Variants in COP1 observed in about 807,000 individuals in gnomAD.
COP1 encodes the protein E3 ubiquitin-protein ligase COP1.
In COP1, 24 loss-of-function variants were observed where a neutral mutation model predicts 101.3. That is an observed-to-expected ratio of 0.24 (90% confidence interval 0.17 to 0.33). COP1 has a LOEUF of 0.33. Ranked by LOEUF, COP1 falls within the 10% of genes least tolerant of loss-of-function variation. COP1 has a pLI of 1.00. For synonymous variants in COP1, 347 were observed against 341.9 expected, an observed-to-expected ratio of 1.01 and a Z score of -0.17; for missense variants, 663 against 906.2, an observed-to-expected ratio of 0.73 and a Z score of 3.45.
At position 176,075,997 on chromosome 1, in the gene COP1, C is replaced by T. The variant is rs569593689; in HGVS notation, c.1277+5155G>A. On this transcript the variant is annotated intron_variant, in intron 11 of 19. Coordinates refer to ENST00000367669, the MANE Select transcript of COP1 (RefSeq NM_022457.7). ...CAGCCTGGGTAACAAGCGCAAAACT[C>T]CATCTCAAAAAAAAAAAAAAAAAAA... is the stretch of plus-strand genomic sequence containing the variant. 6.4e-5 allele frequency among the ~76,000 whole-genome samples: 6 copies of T among 93,920 alleles called. No homozygotes were observed. The Admixed American group carries it at 7.0e-4, about 11-fold the overall frequency. 61.6% of individuals were successfully genotyped at this position (93,920 alleles called of 152,430 possible). A position where few individuals can be genotyped will look rare whatever the true frequency, so the allele number is the denominator to read the frequency against.
At chr1:176,067,722 T>C (rs887903023) in intron 11 of COP1, among the ~76,000 whole-genome samples, 15 of 152,290 alleles carry the variant, frequency 9.8e-5, no homozygotes, top group Admixed American at 4.6e-4. Context: ...AACCCCAGGA[T>C]ACAGAAAGCT....
intron 9 of COP1, among the ~76,000 whole-genome samples, chr1:176,088,563 T>C: frequency 6.6e-6 from 1 of 152,120 alleles, no homozygotes; most frequent in Non-Finnish European, 1.5e-5. Flanking sequence ...TTATATGTGT[T>C]TTACCTCCAT....
At chr1:176,048,778 A>G (rs1256076282) in intron 11 of COP1, among the ~76,000 whole-genome samples, 1 of 152,240 alleles carries the variant, frequency 6.6e-6, no homozygotes, top group Non-Finnish European at 1.5e-5. Flanking sequence ...TTACTAAACT[A>G]TTAGTTTTAA....
intron 11 of COP1, among the ~76,000 whole-genome samples, chr1:176,075,255 T>G (rs1199134195): frequency 1.3e-5 from 2 of 152,244 alleles, no homozygotes; most frequent in Non-Finnish European, 2.9e-5. Context: ...GTATGATTTT[T>G]GTCTTACTCA....
intron 18 of COP1, chr1:175,968,472 A>T (rs531339078): frequency 3.4e-4 from 179 of 519,158 alleles, no homozygotes; most frequent in Non-Finnish European, 4.2e-5. Context: ...TTTATGTAGG[A>T]TCGCTGCAAT....
intron 11 of COP1, among the ~76,000 whole-genome samples, chr1:176,048,195 CTTTT>C (rs10680105): frequency 7.9e-6 from 1 of 126,622 alleles, no homozygotes; most frequent in Admixed American, 8.6e-5. Context: ...AATTAAAATT[CTTTT>C]TTTTTTTTTT....
At chr1:176,162,816 A>C in intron 5 of COP1, 53 bp downstream of exon 5, 4 of 1,464,470 alleles carry the variant, frequency 2.7e-6, no homozygotes, top group African/African-American at 1.4e-5. Context: ...CGTCTTTTTT[A>C]TTGCAATAAA....
intron 3 of COP1, 34 bp from the exon 4 acceptor site, chr1:176,163,925 A>C: frequency 1.4e-6 from 2 of 1,445,098 alleles, no homozygotes; most frequent in Non-Finnish European, 1.9e-6. Context: ...AGCACACATA[A>C]TTTGTATTTT....
At chr1:175,998,894 G>C (rs1188668902) in intron 15 of COP1, among the ~76,000 whole-genome samples, 1 of 152,058 alleles carries the variant, frequency 6.6e-6, no homozygotes, top group African/African-American at 2.4e-5. Context: ...ACTTCATTGA[G>C]TGGTACTGAT....
intron 18 of COP1, among the ~76,000 whole-genome samples, chr1:175,981,817 C>T (rs746372195): frequency 4.6e-5 from 7 of 151,966 alleles, no homozygotes; most frequent in Non-Finnish European, 1.0e-4. Flanking sequence ...ACTTAAAAAA[C>T]AAGCAAAGAA....
rs547647398 is a variant in COP1 at position 176,207,141 on chromosome 1, C to A, written c.-163G>T. 2.0e-6 allele frequency: 1 copy of A among 496,062 alleles called. No homozygotes were observed. The highest frequency in any genetic ancestry group is 2.0e-5 in the African/African-American group (1 of 49,836). 30.7% of individuals were successfully genotyped at this position (496,062 alleles called of 1,614,324 possible). On this transcript the variant is annotated 5_prime_UTR_variant, in exon 1 of 20. Coordinates refer to ENST00000367669, the MANE Select transcript of COP1 (RefSeq NM_022457.7). Reference sequence around the variant, plus strand: ...GTTGCGTTTTTTTTTAAGGCAGCCACACAACAGCGTCCCACGGGAGGGGGC... The same window carrying A: ...GTTGCGTTTTTTTTTAAGGCAGCCAAACAACAGCGTCCCACGGGAGGGGGC...
At chr1:176,186,722 C>T (rs1698493659) in intron 1 of COP1, among the ~76,000 whole-genome samples, 2 of 152,060 alleles carry the variant, frequency 1.3e-5, no homozygotes, top group Admixed American at 6.6e-5. Context: ...TAAAGGGAAG[C>T]CAAGTGTAGA....
Position 176,116,617 on chromosome 1 carries a change from C to G in COP1, c.1026+7G>C, listed in dbSNP as rs764776261. 3 of 1,597,392 alleles carry G rather than the reference C, an allele frequency of 1.9e-6. No individual in the cohort carries two copies. In the Admixed American group the frequency reaches 5.0e-5, roughly 27 times the overall value. On this transcript the variant is annotated splice_region_variant and intron_variant, in intron 9 of 19. Transcript: ENST00000367669. ...GTATCATTAAAGCAAACAAAGATATCGTTTACCTGAGAACTGCCACTGAAA... is the reference window on the plus strand; with the variant it reads ...GTATCATTAAAGCAAACAAAGATATGGTTTACCTGAGAACTGCCACTGAAA...
At chr1:176,127,332 C>A (rs1010678128) in intron 8 of COP1, among the ~76,000 whole-genome samples, 1 of 152,174 alleles carries the variant, frequency 6.6e-6, no homozygotes, top group Admixed American at 6.5e-5. Flanking sequence ...TTTGTACTCA[C>A]TGACCAACTT....
chr1:175,992,689 G>C (rs557828342), intron 15 of COP1, among the ~76,000 whole-genome samples: 1 of 152,216 alleles, frequency 6.6e-6, no homozygotes, highest in Non-Finnish European at 1.5e-5. Flanking sequence ...CAGCGAGGCT[G>C]GGGGAGGGGC....
chr1:175,954,978 G>A (rs1650429746), intron 18 of COP1, among the ~76,000 whole-genome samples: 1 of 152,072 alleles, frequency 6.6e-6, no homozygotes, highest in Non-Finnish European at 1.5e-5. Context: ...AGGCCAGGTA[G>A]GGTGGCTCAT....
intron 1 of COP1, among the ~76,000 whole-genome samples, chr1:176,203,980 A>G (rs1241167354): frequency 6.6e-6 from 1 of 152,174 alleles, no homozygotes; most frequent in Non-Finnish European, 1.5e-5. Context: ...GTGGGCAGGT[A>G]AGAAAAGGGA....
chr1:176,015,494 G>A (rs1665463460), intron 15 of COP1, among the ~76,000 whole-genome samples: 1 of 151,936 alleles, frequency 6.6e-6, no homozygotes, highest in African/African-American at 2.4e-5. Context: ...GGAAGGCAGG[G>A]ATTTAAAAAG....
rs1055167789 is a variant in COP1, at chr1:176,027,492, T to C, written c.1729+80A>G. The stretch of plus-strand genomic sequence containing the variant: ...AACATTTAAACCTACAAAAGAGTTA[T>C]TTGTTTTAAAATGCTCTCCTATCCT... On this transcript the variant is annotated intron_variant, in intron 15 of 19. Coordinates refer to ENST00000367669, the MANE Select transcript of COP1 (RefSeq NM_022457.7). 16 of 844,048 alleles carry C rather than the reference T, an allele frequency of 1.9e-5. No homozygotes were observed. The Admixed American group carries it at 2.6e-4, about 14-fold the overall frequency. The allele number at this position is 844,048 out of a possible 1,614,324, so 52.3% of individuals were successfully genotyped here. A position where few individuals can be genotyped will look rare whatever the true frequency, so the allele number is the denominator to read the frequency against.
Sources: allele counts gnomAD v4.1 joint callset (sites outside exome capture counted in the v4.1 genomes callset), GRCh38; gene constraint gnomAD v4.1.1; transcripts MANE v1.5; gene names NCBI Gene and HGNC (gene_info 2026-07-23, HGNC 2026-07-21).